The following SPATA17 variants were observed in gnomAD, a reference collection of about 807,000 sequenced individuals.
SPATA17 encodes spermatogenesis associated 17, also known as spermatogenesis-associated protein 17.
Under a neutral mutation model 62.2 loss-of-function variants are expected in SPATA17, and 53 were observed. The observed-to-expected ratio is 0.85, with a 90% confidence interval of 0.68 to 1.07. The LOEUF is 1.07. Ranked by LOEUF, SPATA17 falls within the 50% of genes least tolerant of loss-of-function variation. The pLI, the probability that SPATA17 is intolerant of heterozygous loss-of-function variation, is 0.00. For missense variants in SPATA17, 466 were observed against 425.5 expected (o/e 1.10, Z -0.84); for synonymous variants, 146 against 146.8 (o/e 0.99, Z 0.04).
At chr1:217,749,985 C>CTGTATATA in intron 6 of SPATA17, among the ~76,000 whole-genome samples, 6 of 12,316 alleles carry the variant, frequency 4.9e-4, no homozygotes, top group African/African-American at 1.8e-3. Context: ...CTCTCTCTCT[C>CTGTATATA]TATATATATA....
intron 5 of SPATA17, among the ~76,000 whole-genome samples, chr1:217,716,050 G>A (rs1671995685): frequency 6.6e-6 from 1 of 152,170 alleles, no homozygotes; most frequent in African/African-American, 2.4e-5. Context: ...ATGACTAACT[G>A]GCAGCTCCAA....
chr1:217,801,563 A>G (rs1347326867), intron 8 of SPATA17, among the ~76,000 whole-genome samples, 155 bp from the exon 9 acceptor site: 2 of 152,226 alleles, frequency 1.3e-5, no homozygotes, highest in African/African-American at 4.8e-5. Flanking sequence ...ATTAACACAG[A>G]TAATCAGTGG....
intron 1 of SPATA17, among the ~76,000 whole-genome samples, chr1:217,635,909 C>T (rs1669925899): frequency 6.6e-6 from 1 of 151,718 alleles, no homozygotes; most frequent in Non-Finnish European, 1.5e-5. Flanking sequence ...CCAAGGCGAG[C>T]AGATCACGAG....
chr1:217,729,889 G>A (rs1672360612), intron 5 of SPATA17, among the ~76,000 whole-genome samples: 1 of 151,974 alleles, frequency 6.6e-6, no homozygotes, highest in South Asian at 2.1e-4. Context: ...ACACAGAAAG[G>A]AAAAAATGCT....
At chr1:217,818,894 T>TC (rs1674788692) in intron 9 of SPATA17, among the ~76,000 whole-genome samples, 1 of 150,922 alleles carries the variant, frequency 6.6e-6, no homozygotes, top group African/African-American at 2.4e-5. Context: ...TTTTTTTTTT[T>TC]TTTGGCTTTC....
intron 9 of SPATA17, among the ~76,000 whole-genome samples, chr1:217,826,852 AC>A (rs1191130085): frequency 1.3e-5 from 2 of 151,254 alleles, no homozygotes; most frequent in African/African-American, 4.8e-5. Context: ...AATTCTCTGT[AC>A]CTTAATTTTC....
intron 9 of SPATA17, among the ~76,000 whole-genome samples, chr1:217,828,262 G>T (rs1246412880): frequency 6.6e-6 from 1 of 151,876 alleles, no homozygotes; most frequent in African/African-American, 2.4e-5. Context: ...AGAGAACCCA[G>T]AAATAAATTG....
intron 1 of SPATA17, among the ~76,000 whole-genome samples, chr1:217,636,639 G>T (rs1460674101): frequency 6.6e-6 from 1 of 152,010 alleles, no homozygotes; most frequent in African/African-American, 2.4e-5. Flanking sequence ...GGTCAGGCTG[G>T]TCTTGAACTC....
At chr1:217,854,201 A>G (rs1015121977) in intron 9 of SPATA17, among the ~76,000 whole-genome samples, 2 of 152,188 alleles carry the variant, frequency 1.3e-5, no homozygotes, top group African/African-American at 4.8e-5. Flanking sequence ...AGACTCAGCA[A>G]TTGTTACAGG....
At chr1:217,720,030 C>T (rs1672088230) in intron 5 of SPATA17, among the ~76,000 whole-genome samples, 1 of 152,280 alleles carries the variant, frequency 6.6e-6, no homozygotes, top group South Asian at 2.1e-4. Flanking sequence ...TACTGGTTCT[C>T]CTGCATAGAG....
At chr1:217,656,907 T>C (rs570690638) in intron 3 of SPATA17, among the ~76,000 whole-genome samples, 1 of 152,314 alleles carries the variant, frequency 6.6e-6, no homozygotes, top group South Asian at 2.1e-4. Flanking sequence ...TTTGACCTGA[T>C]TTCAAAATCC....
At chr1:217,670,748 C>T (rs576356906) in intron 4 of SPATA17, among the ~76,000 whole-genome samples, 116 of 152,052 alleles carry the variant, frequency 7.6e-4, no homozygotes, top group Middle Eastern at 3.4e-3. Flanking sequence ...GTCAGGAGTT[C>T]GAGGCCAGCC....
intron 9 of SPATA17, among the ~76,000 whole-genome samples, chr1:217,820,944 T>C (rs1674842578): frequency 6.6e-6 from 1 of 152,086 alleles, no homozygotes; most frequent in South Asian, 2.1e-4. Flanking sequence ...AGGGATTTTG[T>C]GCTGCATTAA....
intron 5 of SPATA17, among the ~76,000 whole-genome samples, chr1:217,715,704 T>C (rs1175895810): frequency 6.6e-6 from 1 of 152,046 alleles, no homozygotes; most frequent in Admixed American, 6.6e-5. Flanking sequence ...CCTATTGCTG[T>C]TATTTTATGT....
At position 217,862,035 on chromosome 1, in the gene SPATA17, A is replaced by T. The variant is rs1026399192; in HGVS notation, c.1006-739A>T. Among the ~76,000 whole-genome samples, 7 of 152,050 alleles carry T rather than the reference A, an allele frequency of 4.6e-5. No homozygotes were observed. In the East Asian group the frequency reaches 1.4e-3, roughly 29 times the overall value. ...ATGGGCCCTATAAAGAGCTGCACTCAGGGCATAGGTCTTTTCTCCTATGTT... is the reference window on the plus strand; with the variant it reads ...ATGGGCCCTATAAAGAGCTGCACTCTGGGCATAGGTCTTTTCTCCTATGTT... On this transcript the variant is annotated intron_variant, in intron 9 of 10. Transcript: ENST00000366933.
intron 6 of SPATA17, among the ~76,000 whole-genome samples, chr1:217,774,050 T>A (rs1424279435): frequency 6.6e-6 from 1 of 152,120 alleles, no homozygotes; most frequent in Non-Finnish European, 1.5e-5. Flanking sequence ...TTAAGTATAG[T>A]GATGTAAAAA....
At chr1:217,690,265 A>G (rs1242845580) in intron 5 of SPATA17, among the ~76,000 whole-genome samples, 1 of 151,848 alleles carries the variant, frequency 6.6e-6, no homozygotes, top group African/African-American at 2.4e-5. Flanking sequence ...CTATCCTCCA[A>G]TATCTACCTT....
intron 7 of SPATA17, among the ~76,000 whole-genome samples, chr1:217,779,191 G>C (rs1311748034): frequency 6.6e-6 from 1 of 150,830 alleles, no homozygotes; most frequent in African/African-American, 2.4e-5. Flanking sequence ...TGGAGAGAGA[G>C]AAATATTTAT....
At chr1:217,693,213 G>A (rs1028011021) in intron 5 of SPATA17, among the ~76,000 whole-genome samples, 1 of 150,844 alleles carries the variant, frequency 6.6e-6, no homozygotes, top group African/African-American at 2.4e-5. Context: ...TCCTGGTTTA[G>A]TCTTGGGAGA....
Sources: gnomAD v4.1 joint callset for allele counts (sites outside exome capture counted in the v4.1 genomes callset) on GRCh38, gnomAD v4.1.1 for gene constraint, MANE v1.5 for transcripts, NCBI Gene and HGNC (gene_info 2026-07-23, HGNC 2026-07-21) for gene names.